Variants in SGCZ observed in about 807,000 individuals in gnomAD.
SGCZ encodes zeta-sarcoglycan.
A neutral mutation model predicts 41.3 loss-of-function variants in SGCZ; 40 were observed. That is an observed-to-expected ratio of 0.97 (90% confidence interval 0.75 to 1.26). The LOEUF is 1.26. Among genes scored for constraint, SGCZ ranks in the 50% most tolerant of loss-of-function variants. SGCZ has a pLI of 0.00. For missense variants in SGCZ, 552 were observed against 369.8 expected, an observed-to-expected ratio of 1.49 and a Z score of -4.04; for synonymous variants, 206 against 137.5, an observed-to-expected ratio of 1.50 and a Z score of -3.49.
chr8:14,679,846 T>A (rs1808387491), intron 1 of SGCZ, among the ~76,000 whole-genome samples: 1 of 152,044 alleles, frequency 6.6e-6, no homozygotes, highest in Non-Finnish European at 1.5e-5. Context: ...ACAGATGTTT[T>A]CTTTGATACC....
Position 14,373,950 on chromosome 8 carries a change from C to CA in SGCZ, c.235-49747dup, listed in dbSNP as rs551245942. Among the ~76,000 whole-genome samples the CA allele has an allele frequency of 1.4e-3, 212 of 152,182 alleles. 1 individual carries two copies. Among genetic ancestry groups the CA allele is most frequent in the Admixed American group, 2.1e-3 (32 of 15,270 alleles). ...CACGTTTACCTATGTAACAAACCTA[C>CA]ACATCCTGCACATGTGCCCCGGAAC... On this transcript the variant is annotated intron_variant, in intron 2 of 7. Transcript: ENST00000382080.
At chr8:14,540,900 G>C (rs1244438729) in intron 2 of SGCZ, among the ~76,000 whole-genome samples, 1 of 151,354 alleles carries the variant, frequency 6.6e-6, no homozygotes, top group Non-Finnish European at 1.5e-5. Flanking sequence ...TGCCTTAACT[G>C]TTCTTTACTG....
chr8:15,066,256 C>T (rs2131020029), intron 1 of SGCZ, among the ~76,000 whole-genome samples: 2 of 149,286 alleles, frequency 1.3e-5, no homozygotes, highest in African/African-American at 5.0e-5. Context: ...TGCCGTGAGC[C>T]GAGATTGCGC....
At chr8:14,936,155 G>A (rs1376870543) in intron 1 of SGCZ, among the ~76,000 whole-genome samples, 4 of 151,910 alleles carry the variant, frequency 2.6e-5, no homozygotes, top group African/African-American at 7.2e-5. Context: ...GTGGGTAGAA[G>A]AGGCGGAAAG....
chr8:15,172,126 T>A (rs1281155942), intron 1 of SGCZ, among the ~76,000 whole-genome samples: 2 of 146,670 alleles, frequency 1.4e-5, no homozygotes, highest in African/African-American at 5.1e-5. Context: ...TTACTTAGTT[T>A]AAAGGAAAAA....
At chr8:15,157,963 C>A (rs1310138948) in intron 1 of SGCZ, among the ~76,000 whole-genome samples, 1 of 152,182 alleles carries the variant, frequency 6.6e-6, no homozygotes, top group Non-Finnish European at 1.5e-5. Context: ...CCGCTCTTGC[C>A]CAGTGACTGG....
chr8:15,209,926 C>T (rs1337962179), intron 1 of SGCZ, among the ~76,000 whole-genome samples: 1 of 152,058 alleles, frequency 6.6e-6, no homozygotes, highest in Non-Finnish European at 1.5e-5. Context: ...GTAATTTTGA[C>T]CAATTATATT....
intron 1 of SGCZ, among the ~76,000 whole-genome samples, chr8:15,076,095 T>C (rs190882797): frequency 3.3e-5 from 5 of 152,304 alleles, no homozygotes; most frequent in Non-Finnish European, 7.3e-5. Context: ...ATACCTTTTT[T>C]CCTTCCTCAC....
At chr8:14,276,703 C>G (rs1180453434) in intron 3 of SGCZ, among the ~76,000 whole-genome samples, 1 of 152,052 alleles carries the variant, frequency 6.6e-6, no homozygotes, top group Non-Finnish European at 1.5e-5. Context: ...GGCTATTATT[C>G]TAAAAATTCA....
chr8:15,131,188 G>T (rs1250168692), intron 1 of SGCZ, among the ~76,000 whole-genome samples: 1 of 152,176 alleles, frequency 6.6e-6, no homozygotes, highest in African/African-American at 2.4e-5. Flanking sequence ...ATGTCATCTT[G>T]AATTGTAGCT....
chr8:15,161,895 C>T (rs369404721), intron 1 of SGCZ, among the ~76,000 whole-genome samples: 10 of 152,130 alleles, frequency 6.6e-5, no homozygotes, highest in African/African-American at 1.9e-4. Flanking sequence ...ATTAGCTGGG[C>T]GTGGGGGTGC....
intron 1 of SGCZ, among the ~76,000 whole-genome samples, chr8:15,085,503 A>G (rs577701197): frequency 6.6e-6 from 1 of 152,246 alleles, no homozygotes; most frequent in East Asian, 1.9e-4. Flanking sequence ...GGCATTGTCA[A>G]TTTCACTAAA....
At chr8:15,195,848 C>T (rs1800706842) in intron 1 of SGCZ, among the ~76,000 whole-genome samples, 1 of 149,478 alleles carries the variant, frequency 6.7e-6, no homozygotes, top group Non-Finnish European at 1.5e-5. Flanking sequence ...AATAGCTACT[C>T]TTTATAAATT....
At chr8:15,017,392 G>C (rs1803079075) in intron 1 of SGCZ, among the ~76,000 whole-genome samples, 2 of 152,150 alleles carry the variant, frequency 1.3e-5, no homozygotes, top group African/African-American at 4.8e-5. Flanking sequence ...AGTGGACCTT[G>C]GTTGAGCTTT....
intron 1 of SGCZ, among the ~76,000 whole-genome samples, chr8:14,758,072 T>C (rs1799747028): frequency 6.6e-6 from 1 of 152,178 alleles, no homozygotes; most frequent in African/African-American, 2.4e-5. Flanking sequence ...TTTTTAAAAT[T>C]TTTCCTACAT....
chr8:14,678,991 A>G (rs1329199657), intron 1 of SGCZ, among the ~76,000 whole-genome samples: 3 of 152,200 alleles, frequency 2.0e-5, no homozygotes, highest in Admixed American at 2.0e-4. Context: ...AAGGACAGAC[A>G]GCACGTATGA....
In SGCZ at chr8:14,087,782, G is replaced by A. The variant is rs888184056; in HGVS notation, c.*2661C>T. On this transcript the variant is annotated 3_prime_UTR_variant, in exon 8 of 8. Coordinates refer to ENST00000382080, the MANE Select transcript of SGCZ (RefSeq NM_139167.4). Reference sequence around the variant, plus strand: ...AGGACATTTGGGGCCATTCTTCTAAGCCTTCACAATAGGCTTGATCTCTCT... The same window carrying A: ...AGGACATTTGGGGCCATTCTTCTAAACCTTCACAATAGGCTTGATCTCTCT... Among the ~76,000 whole-genome samples the A allele has an allele frequency of 6.6e-6, 1 of 151,578 alleles. No individual in the cohort carries two copies. Among genetic ancestry groups the A allele is most frequent in the African/African-American group, 2.4e-5 (1 of 41,354 alleles).
chr8:14,662,890 G>A (rs1181526154), intron 1 of SGCZ, among the ~76,000 whole-genome samples: 2 of 152,136 alleles, frequency 1.3e-5, no homozygotes, highest in Admixed American at 1.3e-4. Flanking sequence ...AAAGAGTCAT[G>A]AGCCAAGGGA....
chr8:14,221,270 T>C (rs891338902), intron 4 of SGCZ, among the ~76,000 whole-genome samples: 2 of 152,166 alleles, frequency 1.3e-5, no homozygotes, highest in African/African-American at 4.8e-5. Context: ...AAGGAAAGCA[T>C]ACGTTGAAAG....
Sources: gnomAD v4.1 joint callset for allele counts (sites outside exome capture counted in the v4.1 genomes callset) on GRCh38, gnomAD v4.1.1 for gene constraint, MANE v1.5 for transcripts, NCBI Gene and HGNC (gene_info 2026-07-23, HGNC 2026-07-21) for gene names.